The following SPTLC3 variants were observed in gnomAD, a reference collection of about 807,000 sequenced individuals.
SPTLC3 encodes serine palmitoyltransferase 3.
SPTLC3 carries 36 observed loss-of-function variants against 59.3 expected under a neutral mutation model. The observed-to-expected ratio is 0.61, with a 90% CI of 0.47 to 0.80. The LOEUF is 0.80. Ranked by LOEUF, SPTLC3 falls within the 30% of genes least tolerant of loss-of-function variation. SPTLC3 has a pLI of 0.00. For synonymous variants in SPTLC3, 257 were observed against 240.8 expected (o/e 1.07, Z -0.62); for missense variants, 625 against 685.1 (o/e 0.91, Z 0.98).
intron 10 of SPTLC3, among the ~76,000 whole-genome samples, 199 bp from the exon 11 acceptor site, chr20:13,159,804 A>T (rs2038855507): frequency 6.6e-6 from 1 of 152,130 alleles, no homozygotes; most frequent in Non-Finnish European, 1.5e-5. Context: ...CATGAGTGGC[A>T]CCAAGTGACT....
At chr20:13,036,970 G>A (rs867437580) in intron 1 of SPTLC3, among the ~76,000 whole-genome samples, 1 of 151,974 alleles carries the variant, frequency 6.6e-6, no homozygotes, top group Non-Finnish European at 1.5e-5. Context: ...GTAGTCCTTG[G>A]CTTTGTTGAT....
chr20:13,089,204 A>T (rs544570054), intron 4 of SPTLC3, among the ~76,000 whole-genome samples: 1 of 152,354 alleles, frequency 6.6e-6, no homozygotes, highest in South Asian at 2.1e-4. Flanking sequence ...AAGTATGTTT[A>T]TAGCGGCCCT....
At chr20:13,155,194 A>T (rs980740739) in intron 10 of SPTLC3, among the ~76,000 whole-genome samples, 2 of 152,156 alleles carry the variant, frequency 1.3e-5, no homozygotes, top group African/African-American at 4.8e-5. Flanking sequence ...TCAAAAAAAA[A>T]AAGGAAGTTA....
intron 1 of SPTLC3, among the ~76,000 whole-genome samples, chr20:13,011,933 C>T (rs2122352658): frequency 6.6e-6 from 1 of 152,194 alleles, no homozygotes; most frequent in African/African-American, 2.4e-5. Context: ...TGCTTAAAGT[C>T]TTAATCTATA....
intron 7 of SPTLC3, 88 bp from the exon 8 acceptor site, chr20:13,117,418 A>C: frequency 4.1e-6 from 5 of 1,225,066 alleles, no homozygotes; most frequent in Non-Finnish European, 5.6e-6. Context: ...GTGTCAGGGA[A>C]GACTGTCTAG....
At chr20:13,044,672 G>A (rs533563529) in intron 1 of SPTLC3, among the ~76,000 whole-genome samples, 1 of 152,092 alleles carries the variant, frequency 6.6e-6, no homozygotes, top group Non-Finnish European at 1.5e-5. Context: ...AACATTTAAT[G>A]AGTTTTTGTA....
intron 4 of SPTLC3, among the ~76,000 whole-genome samples, chr20:13,077,766 T>C (rs542929718): frequency 1.4e-4 from 21 of 151,902 alleles, no homozygotes; most frequent in African/African-American, 5.1e-4. Context: ...TAATTTCTAT[T>C]GAGCCAAGCT....
At chr20:13,048,216 C>T (rs1455382696) in intron 1 of SPTLC3, among the ~76,000 whole-genome samples, 1 of 152,112 alleles carries the variant, frequency 6.6e-6, no homozygotes, top group Non-Finnish European at 1.5e-5. Flanking sequence ...TACATATGGT[C>T]CACATTTGGA....
At chr20:13,085,791 A>T (rs1342593993) in intron 4 of SPTLC3, among the ~76,000 whole-genome samples, 2 of 152,206 alleles carry the variant, frequency 1.3e-5, no homozygotes, top group Non-Finnish European at 2.9e-5. Flanking sequence ...TCTTGAATCT[A>T]ATTTTTGATT....
chr20:13,130,503 A>G (rs1040695793), intron 9 of SPTLC3, among the ~76,000 whole-genome samples: 12 of 152,266 alleles, frequency 7.9e-5, no homozygotes, highest in Non-Finnish European at 1.3e-4. Flanking sequence ...AGCTACAGGA[A>G]TAAGGTCAGT....
intron 2 of SPTLC3, among the ~76,000 whole-genome samples, chr20:13,058,660 G>A (rs1458250452): frequency 2.0e-5 from 3 of 152,252 alleles, no homozygotes; most frequent in African/African-American, 4.8e-5. Context: ...GTGTTTTAGA[G>A]CAATGCTTCT....
intron 8 of SPTLC3, among the ~76,000 whole-genome samples, chr20:13,121,011 TG>T (rs2037853190): frequency 6.6e-6 from 1 of 152,248 alleles, no homozygotes; most frequent in Non-Finnish European, 1.5e-5. Context: ...GTGCCATGAA[TG>T]GCTTCTTTGA....
At chr20:13,011,275 A>G (rs1426101753) in intron 1 of SPTLC3, among the ~76,000 whole-genome samples, 1 of 152,160 alleles carries the variant, frequency 6.6e-6, no homozygotes, top group Non-Finnish European at 1.5e-5. Flanking sequence ...CCCTTTAACA[A>G]ACTAGGCCTA....
chr20:13,159,362 C>A (rs2038844311), intron 10 of SPTLC3, among the ~76,000 whole-genome samples: 1 of 152,098 alleles, frequency 6.6e-6, no homozygotes, highest in East Asian at 1.9e-4. Flanking sequence ...CCTGTGCATC[C>A]CTGGGCATGT....
At chr20:13,033,154 G>A (rs1380365821) in intron 1 of SPTLC3, among the ~76,000 whole-genome samples, 4 of 152,106 alleles carry the variant, frequency 2.6e-5, no homozygotes, top group African/African-American at 9.7e-5. Flanking sequence ...AGGTAATTTG[G>A]TTCTCAGACT....
At chr20:13,017,160 T>C (rs1362477919) in intron 1 of SPTLC3, among the ~76,000 whole-genome samples, 3 of 152,220 alleles carry the variant, frequency 2.0e-5, no homozygotes, top group African/African-American at 7.2e-5. Context: ...GTTAAAAGAA[T>C]GGTGAGTTGT....
At chr20:13,082,561 A>G in intron 4 of SPTLC3, among the ~76,000 whole-genome samples, 1 of 139,404 alleles carries the variant, frequency 7.2e-6, no homozygotes, top group South Asian at 2.2e-4. Context: ...TATTTTGTGT[A>G]TTGTCTGACT....
chr20:13,116,045 G>T (rs1990529645), intron 7 of SPTLC3, among the ~76,000 whole-genome samples: 1 of 152,046 alleles, frequency 6.6e-6, no homozygotes, highest in African/African-American at 2.4e-5. Context: ...ACTGTATTTG[G>T]CCTTTATTTC....
At chr20:13,144,828 G>A (rs2038470905) in intron 9 of SPTLC3, among the ~76,000 whole-genome samples, 1 of 152,140 alleles carries the variant, frequency 6.6e-6, no homozygotes, top group African/African-American at 2.4e-5. Context: ...AGGCTGGAGT[G>A]CAGTGGCGCA....
Sources: gnomAD v4.1 joint callset for allele counts (sites outside exome capture counted in the v4.1 genomes callset) on GRCh38, gnomAD v4.1.1 for gene constraint, MANE v1.5 for transcripts, NCBI Gene and HGNC (gene_info 2026-07-23, HGNC 2026-07-21) for gene names.